DLG1: variants seen among roughly 807,000 people sequenced by gnomAD.
DLG1 encodes disks large homolog 1.
Under a neutral mutation model 123.4 loss-of-function variants are expected in DLG1, and 42 were observed. That is an observed-to-expected ratio of 0.34 (90% CI 0.27 to 0.44). DLG1 has a LOEUF of 0.44. Ranked by LOEUF, DLG1 falls within the 20% of genes least tolerant of loss-of-function variation. DLG1 has a pLI of 1.00. For missense variants in DLG1, 942 were observed against 1,082.6 expected, an observed-to-expected ratio of 0.87 and a Z score of 1.82; for synonymous variants, 317 against 356.2, an observed-to-expected ratio of 0.89 and a Z score of 1.24.
At chr3:197,057,058 T>A (rs1732175306) in intron 23 of DLG1, among the ~76,000 whole-genome samples, 1 of 151,228 alleles carries the variant, frequency 6.6e-6, no homozygotes, top group African/African-American at 2.4e-5. Context: ...TTGGGTAGTT[T>A]CTAGTTTTTA....
At chr3:197,268,567 G>A (rs1171956165) in intron 4 of DLG1, among the ~76,000 whole-genome samples, 1 of 151,826 alleles carries the variant, frequency 6.6e-6, no homozygotes, top group African/African-American at 2.4e-5. Context: ...CTACAGGCAT[G>A]AAGGCACCAA....
intron 11 of DLG1, among the ~76,000 whole-genome samples, chr3:197,126,406 G>A (rs937834463): frequency 1.3e-5 from 2 of 151,976 alleles, no homozygotes; most frequent in African/African-American, 4.8e-5. Context: ...GGCAGAGGTT[G>A]TGGTGATCCG....
chr3:197,050,561 T>C (rs1008928119), intron 24 of DLG1, among the ~76,000 whole-genome samples: 2 of 152,178 alleles, frequency 1.3e-5, no homozygotes, highest in Middle Eastern at 3.2e-3. Context: ...TTATGCTATA[T>C]GAAATAAGCC....
chr3:197,262,144 C>T (rs143037349), intron 4 of DLG1, among the ~76,000 whole-genome samples: 1 of 152,222 alleles, frequency 6.6e-6, no homozygotes, highest in African/African-American at 2.4e-5. Flanking sequence ...CCCTAGAAAG[C>T]CTCAGGATGA....
intron 11 of DLG1, among the ~76,000 whole-genome samples, chr3:197,120,269 GAAAGAA>G (rs1775589966): frequency 1.8e-5 from 1 of 55,622 alleles, no homozygotes; most frequent in South Asian, 7.1e-4. Context: ...CCTGTCTCGA[GAAAGAA>G]AAAAAAAAAA....
intron 2 of DLG1, chr3:197,296,954 G>GC: frequency 2.2e-6 from 1 of 446,980 alleles, no homozygotes; most frequent in South Asian, 2.5e-5. Flanking sequence ...GACATCTGTT[G>GC]GGGGGGGGCT....
chr3:197,131,575 TCTTC>T (rs1487358388), intron 10 of DLG1, among the ~76,000 whole-genome samples: 6 of 147,562 alleles, frequency 4.1e-5, no homozygotes, highest in African/African-American at 1.5e-4. Flanking sequence ...TAGTTTTATT[TCTTC>T]CTTTCTTTTT....
intron 4 of DLG1, among the ~76,000 whole-genome samples, chr3:197,218,458 T>C: frequency 6.6e-6 from 1 of 152,206 alleles, no homozygotes; most frequent in East Asian, 1.9e-4. Flanking sequence ...AGACTCATTT[T>C]CTTAAAAAAC....
At chr3:197,131,755 G>A (rs561451586) in intron 10 of DLG1, among the ~76,000 whole-genome samples, 162 of 150,446 alleles carry the variant, frequency 1.1e-3, no homozygotes, top group African/African-American at 3.6e-3. Context: ...CACTACGCCC[G>A]GCTAATTTTT....
chr3:197,270,514 G>C (rs953694439), intron 4 of DLG1, among the ~76,000 whole-genome samples: 1 of 152,118 alleles, frequency 6.6e-6, no homozygotes, highest in African/African-American at 2.4e-5. Flanking sequence ...TGAAGAAAAA[G>C]AGTGTTATAG....
intron 5 of DLG1, among the ~76,000 whole-genome samples, chr3:197,192,253 G>A (rs565297469): frequency 5.6e-4 from 85 of 152,172 alleles, no homozygotes; most frequent in Non-Finnish European, 1.0e-3. Flanking sequence ...AGTAACTCAC[G>A]AGGCTAACAA....
intron 4 of DLG1, among the ~76,000 whole-genome samples, chr3:197,280,325 T>C (rs1057326095): frequency 1.4e-5 from 2 of 139,730 alleles, no homozygotes; most frequent in African/African-American, 2.6e-5. Context: ...TATGGCTGAA[T>C]AGTAGTCCAT....
At chr3:197,247,785 G>A (rs1323398067) in intron 4 of DLG1, among the ~76,000 whole-genome samples, 1 of 152,100 alleles carries the variant, frequency 6.6e-6, no homozygotes, top group East Asian at 1.9e-4. Flanking sequence ...TCTGTTTCTT[G>A]TCTTACTTGG....
chr3:197,113,837 T>C (rs1428315320), intron 13 of DLG1, among the ~76,000 whole-genome samples: 2 of 152,034 alleles, frequency 1.3e-5, no homozygotes, highest in Non-Finnish European at 2.9e-5. Flanking sequence ...AGATTAGATA[T>C]AGATAAGAAA....
rs1180653547 is a variant in DLG1 at position 197,043,263 on chromosome 3, C to G, written c.*1360G>C. ...CATAAATGGGGCTTTTGCCTGCCTT[C>G]CTATTAATAAAAGGAGAACTAGAAG... On this transcript the variant is annotated 3_prime_UTR_variant, in exon 25 of 25. Coordinates refer to ENST00000667157, the MANE Select transcript of DLG1 (RefSeq NM_001366207.1). The G allele has an allele frequency of 6.6e-6, 1 of 152,056 alleles. No homozygotes were observed. Among genetic ancestry groups the G allele is most frequent in the Middle Eastern group, 3.2e-3 (1 of 316 alleles). The allele number at this position is 152,056 out of a possible 1,614,324, so 9.4% of individuals were successfully genotyped here.
chr3:197,298,492 A>C (rs1323615187), intron 1 of DLG1, 44 bp downstream of exon 1: 1 of 398,026 alleles, frequency 2.5e-6, no homozygotes, highest in African/African-American at 2.1e-5. Flanking sequence ...GGCTGTCTGA[A>C]GAGAGGCGTG....
chr3:197,290,977 C>T (rs981229827), intron 3 of DLG1, among the ~76,000 whole-genome samples: 11 of 150,094 alleles, frequency 7.3e-5, no homozygotes, highest in Non-Finnish European at 1.2e-4. Context: ...AGTAAAGAGA[C>T]GTGACAACTA....
At chr3:197,239,303 TA>T (rs1189028376) in intron 4 of DLG1, among the ~76,000 whole-genome samples, 1 of 152,092 alleles carries the variant, frequency 6.6e-6, no homozygotes, top group Non-Finnish European at 1.5e-5. Context: ...AATAGATCTA[TA>T]ATTAGCAGAG....
At chr3:197,050,024 G>A (rs1278460753) in intron 24 of DLG1, among the ~76,000 whole-genome samples, 1 of 152,016 alleles carries the variant, frequency 6.6e-6, no homozygotes, top group Non-Finnish European at 1.5e-5. Flanking sequence ...TCATGACACT[G>A]TACTCCAGCC....
Sources: gnomAD v4.1 joint callset for allele counts (sites outside exome capture counted in the v4.1 genomes callset) on GRCh38, gnomAD v4.1.1 for gene constraint, MANE v1.5 for transcripts, NCBI Gene and HGNC (gene_info 2026-07-23, HGNC 2026-07-21) for gene names.